Variants in CYFIP1 observed in about 807,000 individuals in gnomAD.
The protein encoded by CYFIP1 is cytoplasmic FMR1 interacting protein 1.
A neutral mutation model predicts 163.5 loss-of-function variants in CYFIP1; 58 were observed. That is an observed-to-expected ratio of 0.35 (90% CI 0.29 to 0.44). The LOEUF (loss-of-function observed/expected upper bound fraction) is 0.44. Ranked by LOEUF, CYFIP1 falls within the 20% of genes least tolerant of loss-of-function variation. The pLI is 1.00. For missense variants in CYFIP1, 1,338 were observed against 1,653.8 expected (o/e 0.81, Z 3.31); for synonymous variants, 663 against 660.7 (o/e 1.00, Z -0.05).
At chr15:22,956,888 G>A (rs2062478009) in intron 1 of CYFIP1, among the ~76,000 whole-genome samples, 1 of 152,260 alleles carries the variant, frequency 6.6e-6, no homozygotes, top group African/African-American at 2.4e-5. Context: ...TACCACATTA[G>A]AGGATAAACT....
intron 22 of CYFIP1, among the ~76,000 whole-genome samples, chr15:22,893,951 A>G (rs979760315): frequency 6.6e-6 from 1 of 152,096 alleles, no homozygotes; most frequent in African/African-American, 2.4e-5. Flanking sequence ...CTGTGTTCTT[A>G]ACACCCGTTC....
intron 16 of CYFIP1, 184 bp from the exon 17 acceptor site, chr15:22,915,066 A>G: frequency 2.0e-6 from 1 of 507,238 alleles, no homozygotes; most frequent in Non-Finnish European, 3.4e-6. Flanking sequence ...AGCTGGGCAT[A>G]GCTGCAGGTA....
intron 1 of CYFIP1, among the ~76,000 whole-genome samples, chr15:22,963,805 G>C (rs2062787237): frequency 1.3e-5 from 2 of 152,104 alleles, no homozygotes; most frequent in African/African-American, 4.8e-5. Flanking sequence ...ACGCACTCCT[G>C]GGCAGAAAGC....
rs1020397222 is a variant in CYFIP1 at position 22,912,281 on chromosome 15, G to C, written c.1986-6C>G. The C allele has an allele frequency of 3.7e-6, 6 of 1,608,488 alleles. No individual in the cohort carries two copies. The highest frequency in any genetic ancestry group is 5.1e-6 in the Non-Finnish European group (6 of 1,177,140). ...CCAGGGAGTAGAGCACGTACCTGCA[G>C]AGGACAGCAGCAGTGTGACCAGCAG... On this transcript the variant is annotated splice_polypyrimidine_tract_variant and splice_region_variant and intron_variant, in intron 17 of 30. Transcript: ENST00000617928.
chr15:22,912,588 A>T (rs760740125), intron 17 of CYFIP1, among the ~76,000 whole-genome samples: 3 of 152,174 alleles, frequency 2.0e-5, no homozygotes, highest in Admixed American at 1.3e-4. Context: ...AGTACATAGG[A>T]TTTTTAACAA....
intron 26 of CYFIP1, 57 bp from the exon 27 acceptor site, chr15:22,875,328 TG>T: frequency 6.7e-7 from 1 of 1,499,874 alleles, no homozygotes; most frequent in Non-Finnish European, 9.3e-7. Context: ...GAGAGCAATC[TG>T]GTGCTGAAAA....
intron 22 of CYFIP1, among the ~76,000 whole-genome samples, chr15:22,900,197 A>C (rs1259747278): frequency 6.6e-6 from 1 of 152,072 alleles, no homozygotes; most frequent in African/African-American, 2.4e-5. Flanking sequence ...CGAGAAGAGA[A>C]GAGACAGAGA....
At chr15:22,903,932 G>A (rs2142015837) in intron 21 of CYFIP1, 27 bp from the exon 22 acceptor site, 6 of 1,607,700 alleles carry the variant, frequency 3.7e-6, no homozygotes, top group Non-Finnish European at 5.1e-6. Context: ...AGGGGTGGGT[G>A]ACAGAGCTGG....
intron 23 of CYFIP1, among the ~76,000 whole-genome samples, chr15:22,886,051 G>C (rs1284086860): frequency 6.6e-6 from 1 of 152,164 alleles, no homozygotes; most frequent in Admixed American, 6.5e-5. Context: ...CATGGCGGAA[G>C]GTGAAGGGGG....
intron 18 of CYFIP1, among the ~76,000 whole-genome samples, chr15:22,911,439 G>A (rs1263161760): frequency 6.6e-6 from 1 of 152,138 alleles, no homozygotes; most frequent in African/African-American, 2.4e-5. Flanking sequence ...TCCGCCTACT[G>A]TGCACTCCAG....
chr15:22,939,008 C>A (rs1188732816), intron 8 of CYFIP1, among the ~76,000 whole-genome samples, 184 bp downstream of exon 8: 9 of 150,410 alleles, frequency 6.0e-5, no homozygotes, highest in African/African-American at 2.2e-4. Context: ...CAGTGTGTGA[C>A]ACACTCATGG....
At chr15:22,874,170 A>G (rs2059514900) in intron 28 of CYFIP1, among the ~76,000 whole-genome samples, 1 of 152,210 alleles carries the variant, frequency 6.6e-6, no homozygotes, top group African/African-American at 2.4e-5. Context: ...AATGGCTGAG[A>G]AACCCTGACT....
Position 22,939,546 on chromosome 15 carries a change from C to T in CYFIP1, c.570-39G>A, listed in dbSNP as rs201699790. 7.9e-5 allele frequency: 66 copies of T among 831,438 alleles called. 1 individual carries two copies. The highest frequency in any genetic ancestry group is 1.1e-4 in the East Asian group (4 of 37,300). 51.5% of individuals were successfully genotyped at this position (831,438 alleles called of 1,614,324 possible). On this transcript the variant is annotated intron_variant, in intron 6 of 30. Transcript: ENST00000617928. ...AAGAATTCATCCCAAAATGCACCAA[C>T]GTGCCACATTTAAAAAAAAAAAAAA...
intron 16 of CYFIP1, 126 bp from the exon 17 acceptor site, chr15:22,915,008 G>A (rs1373187643): frequency 3.0e-6 from 3 of 1,001,324 alleles, no homozygotes; most frequent in Non-Finnish European, 4.2e-6. Context: ...ATGCAGCATG[G>A]ACATGAGTGG....
At chr15:22,914,425 CTTT>C (rs112433925) in intron 17 of CYFIP1, among the ~76,000 whole-genome samples, 2 of 145,442 alleles carry the variant, frequency 1.4e-5, no homozygotes, top group Non-Finnish European at 1.5e-5. Flanking sequence ...CATGATTTCT[CTTT>C]TTTTTTTTTT....
At chr15:22,958,019 T>C (rs2062539245) in intron 1 of CYFIP1, among the ~76,000 whole-genome samples, 1 of 152,096 alleles carries the variant, frequency 6.6e-6, no homozygotes, top group Non-Finnish European at 1.5e-5. Context: ...CAGGCTGTCA[T>C]GACCAGCAAG....
In CYFIP1 at chr15:22,903,585, G is replaced by T. The variant is rs1340488258; in HGVS notation, c.2588+121C>A. On this transcript the variant is annotated intron_variant, in intron 22 of 30. Coordinates refer to ENST00000617928, the MANE Select transcript of CYFIP1 (RefSeq NM_014608.6). ...TGGAGGGCCTGCGTGCTCTTCATGT[G>T]AGAAGTGATGGGGAGCAGCAAGAGC... 5 of 1,060,570 alleles carry T rather than the reference G, an allele frequency of 4.7e-6. No individual in the cohort carries two copies. The East Asian group carries it at 1.2e-4, about 25-fold the overall frequency. 65.7% of individuals were successfully genotyped at this position (1,060,570 alleles called of 1,614,324 possible).
At chr15:22,914,542 T>C (rs914699860) in intron 17 of CYFIP1, among the ~76,000 whole-genome samples, 184 bp downstream of exon 17, 3 of 152,000 alleles carry the variant, frequency 2.0e-5, no homozygotes, top group African/African-American at 7.2e-5. Flanking sequence ...TCCTCCCGCA[T>C]CAGCCACCAC....
At chr15:22,928,105 A>G (rs963463557) in intron 11 of CYFIP1, 77 bp from the exon 12 acceptor site, 19 of 1,400,390 alleles carry the variant, frequency 1.4e-5, no homozygotes, top group Non-Finnish European at 1.7e-5. Context: ...CCACCATGAG[A>G]ATCCACCCCA....
Sources: gnomAD v4.1 joint callset for allele counts (sites outside exome capture counted in the v4.1 genomes callset) on GRCh38, gnomAD v4.1.1 for gene constraint, MANE v1.5 for transcripts, NCBI Gene and HGNC (gene_info 2026-07-23, HGNC 2026-07-21) for gene names.